ANO5: variants seen among roughly 807,000 people sequenced by gnomAD.
The protein encoded by ANO5 is anoctamin-5.
A neutral mutation model predicts 121.0 loss-of-function variants in ANO5; 109 were observed. The observed-to-expected ratio is 0.90, with a 90% CI of 0.77 to 1.06. ANO5 has a LOEUF of 1.06. Among genes scored for constraint, ANO5 ranks in the 50% least tolerant of loss-of-function variants. The pLI is 0.00. For synonymous variants in ANO5, 406 were observed against 359.9 expected (o/e 1.13, Z -1.45); for missense variants, 1,064 against 1,078.5 (o/e 0.99, Z 0.19).
intron 13 of ANO5, among the ~76,000 whole-genome samples, chr11:22,256,164 C>T (rs1853994025): frequency 6.6e-6 from 1 of 152,060 alleles, no homozygotes; most frequent in Non-Finnish European, 1.5e-5. Context: ...TTTGGTACCT[C>T]ACTTTTTTCA....
chr11:22,218,161 G>A (rs1852522436), intron 3 of ANO5, 85 bp from the exon 4 acceptor site: 1 of 1,099,974 alleles, frequency 9.1e-7, no homozygotes, highest in East Asian at 2.8e-5. Flanking sequence ...ATCATACCAA[G>A]GGTTAGTTTG....
At chr11:22,212,203 G>T (rs149314790) in intron 3 of ANO5, among the ~76,000 whole-genome samples, 1 of 151,802 alleles carries the variant, frequency 6.6e-6, no homozygotes, top group Non-Finnish European at 1.5e-5. Context: ...CTTGGAAGGG[G>T]TAGATGCAAG....
At chr11:22,196,879 TAAATA>T (rs1382671634) in intron 1 of ANO5, among the ~76,000 whole-genome samples, 2 of 151,534 alleles carry the variant, frequency 1.3e-5, no homozygotes, top group African/African-American at 2.4e-5. Flanking sequence ...AATAAATAAA[TAAATA>T]AAATAAAAAT....
At position 22,203,808 on chromosome 11, in the gene ANO5, A is replaced by G. The variant is rs1412812406; in HGVS notation, c.45A>G (p.Glu15=). 1 of 1,469,154 alleles carries G rather than the reference A, an allele frequency of 6.8e-7. No individual in the cohort carries two copies. The highest frequency in any genetic ancestry group is 9.5e-7 in the Non-Finnish European group (1 of 1,054,456). The allele number at this position is 1,469,154 out of a possible 1,614,324, so 91.0% of individuals were successfully genotyped here. A position where few individuals can be genotyped will look rare whatever the true frequency, so the allele number is the denominator to read the frequency against. ...TCTCTTTCTTATTTAATTTAGGGGAAAAAGTCAATAAGCATATAGACTACT... is the reference window on the plus strand; with the variant it reads ...TCTCTTTCTTATTTAATTTAGGGGAGAAAGTCAATAAGCATATAGACTACT... ...DLLEVLAEEG[E]KVNKHIDYSF... Residue 15 remains glutamate (E), a synonymous_variant, in exon 2 of 22, where the codon GAA becomes GAG. Coordinates refer to ENST00000324559, the MANE Select transcript of ANO5 (RefSeq NM_213599.3).
intron 5 of ANO5, among the ~76,000 whole-genome samples, chr11:22,225,143 C>A (rs1564921921): frequency 6.6e-6 from 1 of 151,608 alleles, no homozygotes; most frequent in African/African-American, 2.4e-5. Flanking sequence ...AGAAAAAATG[C>A]TTTTTTTTGT....
rs1200514344 is a variant in ANO5, at chr11:22,221,184, G to A, written c.268G>A (p.Val90Ile). The change falls in exon 5 of 22, where the codon GTA becomes ATA. Residue 90 changes from valine (V) to isoleucine (I), a missense_variant. Val to Ile is a conservative substitution (Grantham distance 29). Coordinates refer to ENST00000324559, the MANE Select transcript of ANO5 (RefSeq NM_213599.3). ...IDFVLSYVDD[V>I]KKDAELKAER... ...TTTTGTGCTTTCCTACGTTGATGAT[G>A]TAAAGAAAGACGCAGAGTTAAAGGC... 3.7e-6 allele frequency: 6 copies of A among 1,610,122 alleles called. No individual in the cohort carries two copies. Among genetic ancestry groups the A allele is most frequent in the Non-Finnish European group, 4.2e-6 (5 of 1,177,240 alleles).
At chr11:22,265,291 A>T (rs999818501) in intron 17 of ANO5, among the ~76,000 whole-genome samples, 1 of 152,196 alleles carries the variant, frequency 6.6e-6, no homozygotes, top group Non-Finnish European at 1.5e-5. Flanking sequence ...ATTAGATGCC[A>T]AAAGATAATG....
chr11:22,221,374 C>T (rs1054409916), intron 5 of ANO5, among the ~76,000 whole-genome samples, 164 bp downstream of exon 5: 2 of 151,986 alleles, frequency 1.3e-5, no homozygotes, highest in Non-Finnish European at 2.9e-5. Flanking sequence ...TAAGAATAGA[C>T]ATGTAAAGTC....
At chr11:22,226,140 T>C in intron 6 of ANO5, 88 bp downstream of exon 6, 1 of 1,066,816 alleles carries the variant, frequency 9.4e-7, no homozygotes, top group Non-Finnish European at 1.4e-6. Context: ...GACTCTGTGT[T>C]TGGGGGCAAT....
rs1852266283 is a variant in ANO5 at position 22,211,255 on chromosome 11, T to A, written c.88-9T>A. The A allele has an allele frequency of 6.2e-7, 1 of 1,611,846 alleles. No individual in the cohort carries two copies. The highest frequency in any genetic ancestry group is 1.1e-5 in the South Asian group (1 of 91,054). On this transcript the variant is annotated splice_polypyrimidine_tract_variant and intron_variant, in intron 2 of 21. Coordinates refer to ENST00000324559, the MANE Select transcript of ANO5 (RefSeq NM_213599.3). The stretch of plus-strand genomic sequence containing the variant: ...ATAATAGCATTATATCTTCCCCTGG[T>A]ACTGTTAGCAGAGCCTGAGCAGCAG...
chr11:22,248,732 G>T (rs1853701626), intron 9 of ANO5, among the ~76,000 whole-genome samples: 1 of 151,796 alleles, frequency 6.6e-6, no homozygotes, highest in East Asian at 1.9e-4. Context: ...TGTGACAATT[G>T]AAAAGGAGAA....
chr11:22,266,216 G>A (rs1854360674), intron 17 of ANO5, among the ~76,000 whole-genome samples: 2 of 152,270 alleles, frequency 1.3e-5, no homozygotes, highest in South Asian at 4.1e-4. Flanking sequence ...ATGGAATGAA[G>A]CACATGAAAG....
chr11:22,199,769 T>C (rs1851911136), intron 1 of ANO5, among the ~76,000 whole-genome samples: 1 of 152,098 alleles, frequency 6.6e-6, no homozygotes, highest in Admixed American at 6.5e-5. Context: ...GGTTGAAGTG[T>C]ATGAAAAAAA....
chr11:22,194,096 A>AGCTGCT (rs568680135), intron 1 of ANO5, among the ~76,000 whole-genome samples: 4 of 152,164 alleles, frequency 2.6e-5, no homozygotes, highest in African/African-American at 7.2e-5. Context: ...CACTTGGAAA[A>AGCTGCT]GCTGCTGCTG....
intron 17 of ANO5, among the ~76,000 whole-genome samples, chr11:22,268,819 C>A (rs1195999408): frequency 6.6e-6 from 1 of 151,964 alleles, no homozygotes; most frequent in African/African-American, 2.4e-5. Context: ...AGTTCAAGAC[C>A]AGCCTGGGCA....
chr11:22,259,594 A>G lies in ANO5; in HGVS notation c.1483A>G (p.Met495Val), dbSNP rs1379096621. Residue 495 changes from methionine to valine, a missense_variant, in exon 15 of 22, where the codon ATG becomes GTG. Met to Val is a conservative substitution (Grantham distance 21). Transcript: ENST00000324559. The stretch of plus-strand genomic sequence containing the variant: ...AGTCTTTGCTACATTTGCTAGTTTC[A>G]TGGAAAGTGATGCATCCTTAAAGCA... Reference protein sequence around the residue: ...LSVFATFASFMESDASLKQVK... With the variant: ...LSVFATFASFVESDASLKQVK... The G allele has an allele frequency of 1.7e-5, 27 of 1,613,998 alleles. No homozygotes were observed. The highest frequency in any genetic ancestry group is 3.3e-5 in the Admixed American group (2 of 59,996).
intron 17 of ANO5, 24 bp downstream of exon 17, chr11:22,263,067 TATTTG>T (rs750693463): frequency 2.1e-5 from 33 of 1,559,202 alleles, no homozygotes; most frequent in Non-Finnish European, 2.8e-5. Context: ...ACAAGCTTTT[TATTTG>T]ATTTAAGTAA....
At chr11:22,271,641 ATTGT>A (rs1854615748) in intron 18 of ANO5, among the ~76,000 whole-genome samples, 2 of 151,860 alleles carry the variant, frequency 1.3e-5, no homozygotes, top group Non-Finnish European at 2.9e-5. Context: ...GTTTCATAAG[ATTGT>A]TTACCACTTA....
At chr11:22,272,707 G>A in intron 18 of ANO5, 77 bp from the exon 19 acceptor site, 2 of 1,346,386 alleles carry the variant, frequency 1.5e-6, no homozygotes, top group Non-Finnish European at 2.1e-6. Context: ...AACGAAGGAA[G>A]TAGCAGGATT....
Sources: allele counts gnomAD v4.1 joint callset (sites outside exome capture counted in the v4.1 genomes callset), GRCh38; gene constraint gnomAD v4.1.1; transcripts MANE v1.5; gene names NCBI Gene and HGNC (gene_info 2026-07-23, HGNC 2026-07-21).